DSC3: variants seen among roughly 807,000 people sequenced by gnomAD.
DSC3 encodes desmocollin-3.
A neutral mutation model predicts 89.5 loss-of-function variants in DSC3; 97 were observed. The observed-to-expected ratio is 1.08, with a 90% CI of 0.92 to 1.28. The LOEUF is 1.28. Among genes scored for constraint, DSC3 ranks in the 50% most tolerant of loss-of-function variants. DSC3 has a pLI of 0.00. For missense variants in DSC3, 1,199 were observed against 1,085.3 expected, an observed-to-expected ratio of 1.10 and a Z score of -1.47; for synonymous variants, 436 against 384.1, an observed-to-expected ratio of 1.14 and a Z score of -1.58.
At chr18:31,018,822 A>C in intron 7 of DSC3, 22 bp from the exon 8 acceptor site, 1 of 1,612,278 alleles carries the variant, frequency 6.2e-7, no homozygotes, top group Non-Finnish European at 8.5e-7. Context: ...GCAAATATTT[A>C]ACTAGTCTTG....
At position 31,031,036 on chromosome 18, in the gene DSC3, C is replaced by A; in HGVS notation, c.291G>T (p.Trp97Cys). The A allele has an allele frequency of 1.9e-6, 3 of 1,614,020 alleles. No homozygotes were observed. Among genetic ancestry groups the A allele is most frequent in the Non-Finnish European group, 2.5e-6 (3 of 1,179,948 alleles). ...LSDKKRSFTIWLSDKRKQTQK... is the reference protein window; with the variant it reads ...LSDKKRSFTICLSDKRKQTQK... ...GTGTCTGTTTCCTTTTGTCAGAAAG[C>A]CATATGGTAAATGATCTTTTCTTAT... Residue 97 changes from tryptophan (W) to cysteine (C), a missense_variant, in exon 3 of 16, where the codon TGG (tryptophan) becomes TGT (cysteine). Transcript: ENST00000360428.
chr18:30,998,898 G>A (rs1984561679), intron 14 of DSC3, among the ~76,000 whole-genome samples: 1 of 152,164 alleles, frequency 6.6e-6, no homozygotes, highest in African/African-American at 2.4e-5. Flanking sequence ...AGAATTTCCA[G>A]GGAGTGCTGG....
At chr18:31,019,971 G>A (rs1016304493) in intron 7 of DSC3, among the ~76,000 whole-genome samples, 1 of 152,074 alleles carries the variant, frequency 6.6e-6, no homozygotes, top group African/African-American at 2.4e-5. Context: ...GGAGAGATAG[G>A]AAGACAGGTG....
rs944856140 is a variant in DSC3, at chr18:30,995,987, A to G, written c.2493+804T>C. Among the ~76,000 whole-genome samples the G allele has an allele frequency of 4.8e-5, 7 of 147,114 alleles. No individual in the cohort carries two copies. The East Asian group carries it at 5.9e-4, about 12-fold the overall frequency. The stretch of plus-strand genomic sequence containing the variant: ...ACCCTGCCTTAAAAAAAAAAAAAAA[A>G]AAAAAAAAAAAAGAAAAGAAAGAAA... On this transcript the variant is annotated intron_variant, in intron 15 of 15. Transcript: ENST00000360428.
chr18:31,038,176 T>A (rs1418468799), intron 1 of DSC3, among the ~76,000 whole-genome samples: 2 of 152,222 alleles, frequency 1.3e-5, no homozygotes, highest in Non-Finnish European at 2.9e-5. Context: ...GTAAGTGAGA[T>A]CAGGCTACTA....
chr18:31,042,592 C>A lies in DSC3; in HGVS notation c.69G>T (p.Val23=). The A allele has an allele frequency of 6.4e-7, 1 of 1,550,476 alleles. No homozygotes were observed. The highest frequency in any genetic ancestry group is 1.2e-5 in the South Asian group (1 of 84,076). ...AVCLHLLLTL[V]IFSRAGEACK... ...CCCTATCCGGCGAGATCTGGCTTACCACGAGGGTCAGCAGCAGATGCAGGC... is the reference window on the plus strand; with the variant it reads ...CCCTATCCGGCGAGATCTGGCTTACAACGAGGGTCAGCAGCAGATGCAGGC... Residue 23 remains valine, a splice_region_variant and synonymous_variant, in exon 1 of 16, where the codon GTG becomes GTT. Transcript: ENST00000360428.
chr18:31,042,503 C>T, intron 1 of DSC3, 89 bp downstream of exon 1: 1 of 1,353,322 alleles, frequency 7.4e-7, no homozygotes, highest in Non-Finnish European at 1.0e-6. Flanking sequence ...TGTCACGTTT[C>T]GGCCCGCTTT....
intron 1 of DSC3, among the ~76,000 whole-genome samples, chr18:31,039,710 C>T (rs1986074459): frequency 1.3e-5 from 2 of 152,098 alleles, no homozygotes; most frequent in Non-Finnish European, 1.5e-5. Context: ...TGGTACAGGA[C>T]TGCCATGGGA....
chr18:31,011,398 T>C (rs1232489189), intron 9 of DSC3, among the ~76,000 whole-genome samples: 1 of 152,216 alleles, frequency 6.6e-6, no homozygotes, highest in Non-Finnish European at 1.5e-5. Flanking sequence ...TTTATTCAGC[T>C]AAAAGTATAC....
In DSC3 at chr18:30,996,959, C is replaced by G. The variant is rs892239590; in HGVS notation, c.2325G>C (p.Gly775=). 6 of 1,613,968 alleles carry G rather than the reference C, an allele frequency of 3.7e-6. No individual in the cohort carries two copies. Among genetic ancestry groups the G allele is most frequent in the African/African-American group, 2.7e-5 (2 of 74,902 alleles). ...CTTTCATCATTTCAATGGTTTCCTG[C>G]CCTCCATTTTTCATTCCTGATCCCA... ...GTMGSGMKNG[G]QETIEMMKGG... Residue 775 remains glycine (G), a synonymous_variant, in exon 15 of 16, where the codon GGG becomes GGC. Coordinates refer to ENST00000360428, the MANE Select transcript of DSC3 (RefSeq NM_001941.5).
chr18:31,021,109 G>A (rs1985404470), intron 7 of DSC3, among the ~76,000 whole-genome samples: 1 of 149,124 alleles, frequency 6.7e-6, no homozygotes, highest in Admixed American at 6.7e-5. Context: ...TCCCCTCAAC[G>A]CTCCATGGTT....
chr18:31,025,445 C>A (rs939899493), intron 5 of DSC3, among the ~76,000 whole-genome samples: 9 of 152,068 alleles, frequency 5.9e-5, no homozygotes, highest in Admixed American at 2.6e-4. Flanking sequence ...AAGGTGCCAG[C>A]AACCAGTAAG....
chr18:31,007,061 A>C lies in DSC3; in HGVS notation c.1734T>G (p.Leu578=). ...EDVNDNPPEI[L]QEYVVICKPK... is the part of the protein sequence containing the mutation. ...GTTTGCAAATGACTACATATTCTTG[A>C]AGTATTTCTGGTGGATTATCATTTA... Residue 578 remains leucine (L), a synonymous_variant, in exon 12 of 16, where the codon CTT becomes CTG. Transcript: ENST00000360428. The C allele has an allele frequency of 6.2e-7, 1 of 1,613,916 alleles. No individual in the cohort carries two copies. Among genetic ancestry groups the C allele is most frequent in the Non-Finnish European group, 8.5e-7 (1 of 1,179,912 alleles).
chr18:31,029,600 G>C lies in DSC3; in HGVS notation c.383C>G (p.Thr128Ser). Residue 128 changes from threonine to serine, a missense_variant, in exon 4 of 16, where the codon ACT becomes AGT. Transcript: ENST00000360428. ...KVSKTRHTRE[T>S]VLRRAKRRWA... ...TCTCCTCTTGGCACGCCTGAGAACA[G>C]TTTCTCTAGTGTGTCTTGTCTTCGA... The C allele has an allele frequency of 6.2e-7, 1 of 1,613,802 alleles. No homozygotes were observed. The highest frequency in any genetic ancestry group is 2.2e-5 in the East Asian group (1 of 44,862).
chr18:30,989,489 C>T lies in DSC3; in HGVS notation c.*4686G>A, dbSNP rs918252579. Reference sequence around the variant, plus strand: ...GGAGAATGACTGCTTAAAAGGTTTCCTCTTGGGGTGATGAAAATGTTCCAG... The same window carrying T: ...GGAGAATGACTGCTTAAAAGGTTTCTTCTTGGGGTGATGAAAATGTTCCAG... On this transcript the variant is annotated 3_prime_UTR_variant, in exon 16 of 16. Transcript: ENST00000360428. Among the ~76,000 whole-genome samples, 5 of 152,068 alleles carry T rather than the reference C, an allele frequency of 3.3e-5. No homozygotes were observed. The highest frequency in any genetic ancestry group is 7.2e-5 in the African/African-American group (3 of 41,394).
intron 8 of DSC3, among the ~76,000 whole-genome samples, 167 bp downstream of exon 8, chr18:31,018,499 A>G (rs1985309209): frequency 6.6e-6 from 1 of 152,166 alleles, no homozygotes; most frequent in Non-Finnish European, 1.5e-5. Flanking sequence ...CACTAATATG[A>G]ATAAATAAAA....
chr18:31,032,780 G>C (rs942517294), intron 1 of DSC3, among the ~76,000 whole-genome samples: 1 of 152,056 alleles, frequency 6.6e-6, no homozygotes, highest in African/African-American at 2.4e-5. Flanking sequence ...ATTTTTAGTA[G>C]GGATGGGGTT....
chr18:30,998,238 A>G (rs1325875336), intron 14 of DSC3, among the ~76,000 whole-genome samples: 1 of 152,188 alleles, frequency 6.6e-6, no homozygotes, highest in African/African-American at 2.4e-5. Context: ...GGAAGCAGTG[A>G]TGACTGAAAG....
chr18:31,001,631 C>T lies in DSC3; in HGVS notation c.2222G>A (p.Gly741Glu). The change falls in exon 14 of 16, where the codon GGA (glycine) becomes GAA (glutamate). Residue 741 changes from glycine (G) to glutamate (E), a missense_variant. Coordinates refer to ENST00000360428, the MANE Select transcript of DSC3 (RefSeq NM_001941.5). ...NLIISNTEAP[G>E]DDRVCSANGF... ...AAAATTACTTACCACTCTATCGTCT[C>T]CAGGTGCTTCTGTGTTTGATATAAT... 1 of 1,610,398 alleles carries T rather than the reference C, an allele frequency of 6.2e-7. No homozygotes were observed.
Sources: gnomAD v4.1 joint callset for allele counts (sites outside exome capture counted in the v4.1 genomes callset) on GRCh38, gnomAD v4.1.1 for gene constraint, MANE v1.5 for transcripts, NCBI Gene and HGNC (gene_info 2026-07-23, HGNC 2026-07-21) for gene names.